MYH11: variants seen among roughly 807,000 people sequenced by gnomAD.
MYH11 encodes myosin heavy chain 11.
MYH11 carries 80 observed loss-of-function variants against 246.6 expected under a neutral mutation model. The ratio of observed to expected loss-of-function variants is 0.32; its 90% CI spans 0.27 to 0.39. The LOEUF (loss-of-function observed/expected upper bound fraction) is 0.39, where lower values mean the gene tolerates loss of function less well. Ranked by LOEUF, MYH11 falls within the 10% of genes least tolerant of loss-of-function variation. The pLI is 1.00. For synonymous variants in MYH11, 1,071 were observed against 1,015.5 expected (o/e 1.05, Z -1.04); for missense variants, 2,158 against 2,546.8 (o/e 0.85, Z 3.29).
chr16:15,832,748 G>A lies in MYH11; in HGVS notation c.345+5160C>T, dbSNP rs1004819834. Among the ~76,000 whole-genome samples, 9 of 151,880 alleles carry A rather than the reference G, an allele frequency of 5.9e-5. No homozygotes were observed. The South Asian group carries it at 1.9e-3, about 32-fold the overall frequency. ...AGCTTGTCTACCTCAAAGCTAACAA[G>A]GCCTCTGGCACTGTCCCCTCCTGCT... On this transcript the variant is annotated intron_variant, in intron 2 of 40. Transcript: ENST00000300036.
intron 1 of MYH11, among the ~76,000 whole-genome samples, chr16:15,842,584 A>C (rs1256387812): frequency 2.0e-5 from 3 of 151,492 alleles, no homozygotes; most frequent in Non-Finnish European, 4.4e-5. Context: ...CAACGTGGCG[A>C]AACCTGATCT....
chr16:15,782,352 T>A (rs2042375222), intron 6 of MYH11, 33 bp downstream of exon 6: 1 of 1,598,956 alleles, frequency 6.3e-7, no homozygotes, highest in Non-Finnish European at 8.6e-7. Context: ...CACCAAAGCT[T>A]TTCTGGAAAA....
At chr16:15,843,549 CG>C (rs2044110202) in intron 1 of MYH11, among the ~76,000 whole-genome samples, 1 of 150,484 alleles carries the variant, frequency 6.6e-6, no homozygotes, top group Non-Finnish European at 1.5e-5. Flanking sequence ...AAAAATTAGC[CG>C]GGCGTGGTGG....
Position 15,832,210 on chromosome 16 carries a change from A to C in MYH11, c.345+5698T>G, listed in dbSNP as rs2043759275. On this transcript the variant is annotated intron_variant, in intron 2 of 40. Transcript: ENST00000300036. ...ACCCCCTGGGCATTCCAGAAGCAGA[A>C]CCAGAACTGGAAAAATGTCCTTTGG... 1.3e-5 allele frequency among the ~76,000 whole-genome samples: 2 copies of C among 152,168 alleles called. 1 individual carries two copies. The highest frequency in any genetic ancestry group is 2.9e-5 in the Non-Finnish European group (2 of 68,030).
chr16:15,843,525 CT>C (rs2044109197), intron 1 of MYH11, among the ~76,000 whole-genome samples: 1 of 144,378 alleles, frequency 6.9e-6, no homozygotes, highest in Non-Finnish European at 1.5e-5. Flanking sequence ...CCTGTCTCTA[CT>C]AAAAAAAAAA....
chr16:15,835,171 T>C (rs1166613419), intron 2 of MYH11, among the ~76,000 whole-genome samples: 1 of 152,008 alleles, frequency 6.6e-6, no homozygotes, highest in African/African-American at 2.4e-5. Context: ...CTGAAATATC[T>C]ATAAGAACAG....
At chr16:15,704,361 G>A (rs1333418956) in intron 40 of MYH11, among the ~76,000 whole-genome samples, 1 of 152,116 alleles carries the variant, frequency 6.6e-6, no homozygotes, top group African/African-American at 2.4e-5. Flanking sequence ...TTGCGGGGGT[G>A]GGTGGAGAAG....
chr16:15,848,388 C>T (rs2044251799), intron 1 of MYH11, among the ~76,000 whole-genome samples: 1 of 152,012 alleles, frequency 6.6e-6, no homozygotes, highest in South Asian at 2.1e-4. Flanking sequence ...CATGCGCTAC[C>T]ATGCCTGGCT....
At chr16:15,735,047 C>A (rs1304659931) in intron 26 of MYH11, among the ~76,000 whole-genome samples, 1 of 151,730 alleles carries the variant, frequency 6.6e-6, no homozygotes, top group African/African-American at 2.4e-5. Context: ...GGTGTGGTGG[C>A]ACATACCTGT....
intron 26 of MYH11, among the ~76,000 whole-genome samples, chr16:15,733,504 A>C (rs921367957): frequency 7.9e-5 from 12 of 151,514 alleles, no homozygotes; most frequent in African/African-American, 2.4e-4. Flanking sequence ...AAGTGCTGGG[A>C]TTACAGGTGT....
In MYH11 at chr16:15,703,440, C is replaced by T. The variant is rs1430847511; in HGVS notation, c.*551G>A. The T allele has an allele frequency of 1.3e-5, 3 of 238,874 alleles. No homozygotes were observed. Among genetic ancestry groups the T allele is most frequent in the Non-Finnish European group, 2.5e-5 (3 of 121,074 alleles). The allele number at this position is 238,874 out of a possible 1,614,324, so 14.8% of individuals were successfully genotyped here. A position where few individuals can be genotyped will look rare whatever the true frequency, so the allele number is the denominator to read the frequency against. ...TCATGTAAACAGAATTGCCAGGGAC[C>T]GGTTACCGTGGATATGTTTTTCTAA... On this transcript the variant is annotated 3_prime_UTR_variant, in exon 41 of 41. Coordinates refer to ENST00000300036, the MANE Select transcript of MYH11 (RefSeq NM_002474.3).
intron 4 of MYH11, among the ~76,000 whole-genome samples, chr16:15,795,365 A>G (rs2042719971): frequency 6.6e-6 from 1 of 152,076 alleles, no homozygotes; most frequent in East Asian, 1.9e-4. Context: ...TAATCCCAGC[A>G]CTTGGGAGGC....
intron 1 of MYH11, among the ~76,000 whole-genome samples, chr16:15,847,069 G>A (rs2044209390): frequency 6.6e-6 from 1 of 151,932 alleles, no homozygotes; most frequent in African/African-American, 2.4e-5. Flanking sequence ...TTTAATTGTG[G>A]TAAAATACAG....
chr16:15,720,049 A>G, intron 34 of MYH11, 102 bp downstream of exon 34: 1 of 1,464,966 alleles, frequency 6.8e-7, no homozygotes, highest in Non-Finnish European at 9.6e-7. Flanking sequence ...CACCAATGGC[A>G]GGTGCAGGCT....
intron 40 of MYH11, chr16:15,708,978 T>C: frequency 1.0e-6 from 1 of 953,170 alleles, no homozygotes; most frequent in South Asian, 1.5e-5. Flanking sequence ...AGATAGTCTC[T>C]GTCACCCAGG....
At chr16:15,776,359 CTT>C (rs570472141) in intron 7 of MYH11, among the ~76,000 whole-genome samples, 183 bp from the exon 8 acceptor site, 83 of 151,842 alleles carry the variant, frequency 5.5e-4, no homozygotes, top group African/African-American at 2.0e-3. Flanking sequence ...TGCCAGCAGA[CTT>C]CAGATGCAAA....
At chr16:15,748,994 G>A (rs2041494669) in intron 16 of MYH11, among the ~76,000 whole-genome samples, 1 of 151,896 alleles carries the variant, frequency 6.6e-6, no homozygotes, top group South Asian at 2.1e-4. Flanking sequence ...GGCATGCCTA[G>A]AGAGAGAAGG....
At chr16:15,748,617 T>G (rs948301894) in intron 16 of MYH11, among the ~76,000 whole-genome samples, 8 of 152,006 alleles carry the variant, frequency 5.3e-5, no homozygotes, top group Non-Finnish European at 1.2e-4. Flanking sequence ...TCAATCCCTT[T>G]GTCCTTTTTA....
chr16:15,798,559 T>A, intron 4 of MYH11, 101 bp downstream of exon 4: 1 of 1,205,986 alleles, frequency 8.3e-7, no homozygotes, highest in Non-Finnish European at 1.2e-6. Context: ...ATCAAAGATC[T>A]CTGCACTCAT....
Sources: allele counts gnomAD v4.1 joint callset (sites outside exome capture counted in the v4.1 genomes callset), GRCh38; gene constraint gnomAD v4.1.1; transcripts MANE v1.5; gene names NCBI Gene and HGNC (gene_info 2026-07-23, HGNC 2026-07-21).